The following SCAMP1 variants were observed in gnomAD, a reference collection of about 807,000 sequenced individuals.
The protein encoded by SCAMP1 is secretory carrier-associated membrane protein 1.
SCAMP1 carries 15 observed loss-of-function variants against 41.8 expected under a neutral mutation model. The ratio of observed to expected loss-of-function variants is 0.36; its 90% CI spans 0.24 to 0.55. The LOEUF is 0.55. SCAMP1 is among the 20% of genes least tolerant of loss of function. The pLI, the probability that SCAMP1 is intolerant of heterozygous loss-of-function variation, is 0.86. For synonymous variants in SCAMP1, 135 were observed against 136.8 expected, an observed-to-expected ratio of 0.99 and a Z score of 0.09; for missense variants, 341 against 412.6, an observed-to-expected ratio of 0.83 and a Z score of 1.50.
chr5:78,421,657 A>G (rs1032536198), intron 5 of SCAMP1, 144 bp from the exon 6 acceptor site: 1 of 719,868 alleles, frequency 1.4e-6, no homozygotes, highest in African/African-American at 1.8e-5. Flanking sequence ...AAGATACAAC[A>G]GTGTTTTGAA....
chr5:78,418,742 A>G (rs775324415), intron 4 of SCAMP1, 33 bp from the exon 5 acceptor site: 2 of 1,312,094 alleles, frequency 1.5e-6, no homozygotes, highest in Admixed American at 2.7e-5. Flanking sequence ...TATAATATAA[A>G]TAACCTTTTC....
chr5:78,462,123 C>T (rs1355105878), intron 8 of SCAMP1, among the ~76,000 whole-genome samples: 1 of 151,718 alleles, frequency 6.6e-6, no homozygotes, highest in African/African-American at 2.4e-5. Context: ...TGATTTCTTT[C>T]ATCAGTGATT....
At chr5:78,458,254 A>T (rs1455064802) in intron 7 of SCAMP1, among the ~76,000 whole-genome samples, 1 of 152,196 alleles carries the variant, frequency 6.6e-6, no homozygotes, top group African/African-American at 2.4e-5. Flanking sequence ...GTTCTCTAGA[A>T]TGCTTGTGCT....
chr5:78,449,044 T>G (rs1210387589), intron 6 of SCAMP1, among the ~76,000 whole-genome samples: 1 of 152,030 alleles, frequency 6.6e-6, no homozygotes, highest in Non-Finnish European at 1.5e-5. Context: ...ACAACCTGTT[T>G]GTAAAACAGT....
At position 78,479,963 on chromosome 5, in the gene SCAMP1, G is replaced by A. The variant is rs563330477; in HGVS notation, c.*4295G>A. The stretch of plus-strand genomic sequence containing the variant: ...TGGGAGGCTGAGGCAGGAGAATGAC[G>A]TGAACCTGGGAGGCGGAGCTTGCAG... On this transcript the variant is annotated 3_prime_UTR_variant, in exon 9 of 9. Transcript: ENST00000621999. Among the ~76,000 whole-genome samples the A allele has an allele frequency of 2.0e-5, 3 of 151,872 alleles. No homozygotes were observed. Among genetic ancestry groups the A allele is most frequent in the Non-Finnish European group, 2.9e-5 (2 of 67,988 alleles).
chr5:78,469,891 AAAAAAAAAAAAAAAAAAAAAAC>A lies in SCAMP1; in HGVS notation c.853-5593_853-5572del, dbSNP rs1242478280. Among the ~76,000 whole-genome samples the A allele has an allele frequency of 9.1e-4, 21 of 23,174 alleles. 1 individual carries two copies. The highest frequency in any genetic ancestry group is 7.1e-3 in the South Asian group (4 of 566). 15.2% of individuals were successfully genotyped at this position (23,174 alleles called of 152,430 possible). A position where few individuals can be genotyped will look rare whatever the true frequency, so the allele number is the denominator to read the frequency against. On this transcript the variant is annotated intron_variant, in intron 8 of 8. Coordinates refer to ENST00000621999, the MANE Select transcript of SCAMP1 (RefSeq NM_004866.6). ...ACCCTCCAACCCCTTACAAGACATT[AAAAAAAAAAAAAAAAAAAAAAC>A]AAAAAAAAAAAAAAAAAAACAACAA...
chr5:78,397,002 T>C (rs1292840201), intron 2 of SCAMP1, among the ~76,000 whole-genome samples: 2 of 152,224 alleles, frequency 1.3e-5, no homozygotes, highest in African/African-American at 4.8e-5. Flanking sequence ...CTTCATAGGA[T>C]TTTTGCAGCA....
intron 2 of SCAMP1, among the ~76,000 whole-genome samples, chr5:78,408,800 A>G (rs1037955509): frequency 7.3e-5 from 11 of 150,950 alleles, no homozygotes; most frequent in African/African-American, 2.7e-4. Flanking sequence ...AGGTCTCACT[A>G]TATTGCCCAG....
At chr5:78,398,755 G>A (rs1751724341) in intron 2 of SCAMP1, among the ~76,000 whole-genome samples, 1 of 151,738 alleles carries the variant, frequency 6.6e-6, no homozygotes, top group Admixed American at 6.6e-5. Context: ...ATGTTGGCCA[G>A]GCTGGTCTCA....
intron 1 of SCAMP1, among the ~76,000 whole-genome samples, chr5:78,376,248 G>GAT (rs1751062761): frequency 6.6e-6 from 1 of 151,968 alleles, no homozygotes; most frequent in South Asian, 2.1e-4. Flanking sequence ...GGGTTCCCCC[G>GAT]ATATATAAAA....
At chr5:78,454,121 T>A (rs1753318131) in intron 7 of SCAMP1, among the ~76,000 whole-genome samples, 1 of 152,324 alleles carries the variant, frequency 6.6e-6, no homozygotes, top group African/African-American at 2.4e-5. Flanking sequence ...AATCATGTCG[T>A]CTGCAAACAG....
At chr5:78,436,700 A>G (rs1330561526) in intron 6 of SCAMP1, among the ~76,000 whole-genome samples, 2 of 152,224 alleles carry the variant, frequency 1.3e-5, no homozygotes, top group Non-Finnish European at 2.9e-5. Context: ...TGTCTTGGCA[A>G]TGCAGGCTCT....
intron 2 of SCAMP1, among the ~76,000 whole-genome samples, chr5:78,390,129 G>A (rs544666809): frequency 6.6e-6 from 1 of 152,270 alleles, no homozygotes; most frequent in East Asian, 1.9e-4. Flanking sequence ...CAGGTAGGTA[G>A]TATCAGAATT....
At chr5:78,438,808 G>T (rs192684922) in intron 6 of SCAMP1, among the ~76,000 whole-genome samples, 99 of 152,308 alleles carry the variant, frequency 6.5e-4, no homozygotes, top group African/African-American at 2.1e-3. Context: ...AATGTTGACA[G>T]TGGGGTGTTA....
At chr5:78,436,565 T>C (rs992143692) in intron 6 of SCAMP1, among the ~76,000 whole-genome samples, 1 of 152,222 alleles carries the variant, frequency 6.6e-6, no homozygotes, top group African/African-American at 2.4e-5. Flanking sequence ...AGGCCTCTGT[T>C]CTGTTCCATT....
At chr5:78,393,178 A>G (rs1751562291) in intron 2 of SCAMP1, among the ~76,000 whole-genome samples, 1 of 152,168 alleles carries the variant, frequency 6.6e-6, no homozygotes, top group South Asian at 2.1e-4. Context: ...GTAATTATAT[A>G]CATATATATA....
chr5:78,469,930 AAACAAC>A (rs532294277), intron 8 of SCAMP1, among the ~76,000 whole-genome samples: 8 of 21,088 alleles, frequency 3.8e-4, no homozygotes, highest in South Asian at 1.8e-3. Context: ...AAAAAAAAAA[AAACAAC>A]AACACAGCCC....
chr5:78,419,259 A>G (rs139106212), intron 5 of SCAMP1, among the ~76,000 whole-genome samples: 3 of 152,338 alleles, frequency 2.0e-5, no homozygotes, highest in Admixed American at 6.5e-5. Context: ...TATGCAGAGG[A>G]AGGCCATTTA....
intron 7 of SCAMP1, among the ~76,000 whole-genome samples, chr5:78,452,182 TTTC>T (rs951401452): frequency 2.7e-5 from 4 of 150,492 alleles, no homozygotes; most frequent in African/African-American, 1.0e-4. Flanking sequence ...TTAGTTTTCT[TTTC>T]TTTTTTTTTT....
Sources: gnomAD v4.1 joint callset for allele counts (sites outside exome capture counted in the v4.1 genomes callset) on GRCh38, gnomAD v4.1.1 for gene constraint, MANE v1.5 for transcripts, NCBI Gene and HGNC (gene_info 2026-07-23, HGNC 2026-07-21) for gene names.